RSPRY1: variants seen among roughly 807,000 people sequenced by gnomAD.
RSPRY1 encodes the protein ring finger and SPRY domain containing 1.
A neutral mutation model predicts 73.1 loss-of-function variants in RSPRY1; 23 were observed. The ratio of observed to expected loss-of-function variants is 0.31; its 90% CI spans 0.23 to 0.45. The LOEUF (loss-of-function observed/expected upper bound fraction) is 0.45. RSPRY1 is among the 20% of genes least tolerant of loss of function. The pLI is 1.00. For missense variants in RSPRY1, 448 were observed against 698.7 expected, an observed-to-expected ratio of 0.64 and a Z score of 4.05; for synonymous variants, 226 against 251.4, an observed-to-expected ratio of 0.90 and a Z score of 0.95.
chr16:57,205,714 G>C (rs1199092557), intron 2 of RSPRY1, among the ~76,000 whole-genome samples: 1 of 152,232 alleles, frequency 6.6e-6, no homozygotes, highest in African/African-American at 2.4e-5. Context: ...CCTAGCTCAA[G>C]TTCTGGCCCA....
rs2074951807 is a variant in RSPRY1 at position 57,216,981 on chromosome 16, G to C, written c.847G>C (p.Asp283His). The C allele has an allele frequency of 5.0e-6, 8 of 1,614,070 alleles. No individual in the cohort carries two copies. Among genetic ancestry groups the C allele is most frequent in the Non-Finnish European group, 6.8e-6 (8 of 1,179,968 alleles). The change falls in exon 8 of 15, where the codon GAT (aspartate) becomes CAT (histidine). Residue 283 changes from aspartate to histidine, a missense_variant. Asp to His is a moderately conservative substitution (Grantham distance 81). Transcript: ENST00000394420. ...ATTGGAGTCCTGGGCTAATGATCCT[G>C]ATTATCTGAAACGTCAAGTTGGTTT... ...VTLESWANDP[D>H]YLKRQVGFCA...
intron 1 of RSPRY1, among the ~76,000 whole-genome samples, chr16:57,201,232 C>T (rs1212765860): frequency 9.9e-5 from 15 of 151,936 alleles, no homozygotes; most frequent in African/African-American, 3.4e-4. Flanking sequence ...GGGCTCCTCA[C>T]TTCTCAGACG....
intron 6 of RSPRY1, 50 bp downstream of exon 6, chr16:57,213,996 T>TGCC: frequency 8.0e-6 from 10 of 1,252,186 alleles, no homozygotes; most frequent in Non-Finnish European, 1.2e-5. Flanking sequence ...GAAGTGGGCA[T>TGCC]CATCTAGAAC....
intron 8 of RSPRY1, among the ~76,000 whole-genome samples, chr16:57,217,469 T>C (rs1002617259): frequency 1.7e-4 from 26 of 152,224 alleles, no homozygotes; most frequent in African/African-American, 6.3e-4. Flanking sequence ...ACCTACATCA[T>C]GAGAATTGTT....
intron 10 of RSPRY1, among the ~76,000 whole-genome samples, chr16:57,225,623 C>G (rs2075109220): frequency 6.6e-6 from 1 of 152,196 alleles, no homozygotes; most frequent in East Asian, 1.9e-4. Flanking sequence ...TTTTCAATTT[C>G]TTTCTCTAGT....
intron 8 of RSPRY1, among the ~76,000 whole-genome samples, chr16:57,218,472 C>T (rs2074976059): frequency 6.6e-6 from 1 of 152,050 alleles, no homozygotes; most frequent in Non-Finnish European, 1.5e-5. Context: ...TAACCAACCC[C>T]ATTTCTCCCC....
intron 8 of RSPRY1, among the ~76,000 whole-genome samples, chr16:57,217,505 A>G (rs746306356): frequency 6.6e-6 from 1 of 152,090 alleles, no homozygotes; most frequent in Non-Finnish European, 1.5e-5. Flanking sequence ...TTCCTCCTCC[A>G]AGGGCTGCTG....
intron 1 of RSPRY1, among the ~76,000 whole-genome samples, chr16:57,193,238 T>C (rs2074381723): frequency 6.6e-6 from 1 of 152,166 alleles, no homozygotes; most frequent in African/African-American, 2.4e-5. Flanking sequence ...ACAACCTTTC[T>C]TTTTGTGGGA....
At chr16:57,231,417 T>G (rs2075218266) in intron 13 of RSPRY1, 98 bp downstream of exon 13, 4 of 1,242,934 alleles carry the variant, frequency 3.2e-6, no homozygotes, top group Non-Finnish European at 4.4e-6. Flanking sequence ...ACAAATAAAT[T>G]TTGAAAACCT....
rs1457240966 is a variant in RSPRY1, at chr16:57,223,283, G to A, written c.1161+1868G>A. 1.3e-5 allele frequency among the ~76,000 whole-genome samples: 2 copies of A among 152,148 alleles called. 1 individual carries two copies. The highest frequency in any genetic ancestry group is 4.8e-5 in the African/African-American group (2 of 41,426). ...TCAAAAGATTCTAAGTCTCTGCATA[G>A]TGCCTCTTACTTGAATTCTTGCTGC... On this transcript the variant is annotated intron_variant, in intron 10 of 14. Transcript: ENST00000394420.
At chr16:57,196,321 T>C (rs1214028576) in intron 1 of RSPRY1, among the ~76,000 whole-genome samples, 1 of 152,138 alleles carries the variant, frequency 6.6e-6, no homozygotes, top group Non-Finnish European at 1.5e-5. Context: ...TCTCAGTTCA[T>C]TTTACTGGAC....
intron 1 of RSPRY1, among the ~76,000 whole-genome samples, chr16:57,199,535 T>C (rs114347995): frequency 0.017 from 2,609 of 152,208 alleles, 61 homozygotes; most frequent in African/African-American, 0.058. Context: ...ATAATAGATA[T>C]GGAGGCAAAC....
At position 57,227,346 on chromosome 16, in the gene RSPRY1, G is replaced by T; in HGVS notation, c.1166G>T (p.Gly389Val). 1 of 1,612,450 alleles carries T rather than the reference G, an allele frequency of 6.2e-7. No individual in the cohort carries two copies. Among genetic ancestry groups the T allele is most frequent in the Non-Finnish European group, 8.5e-7 (1 of 1,178,522 alleles). ...TRDSKFLNHE[G>V]YGIGDDEYSC... ...CTGGGCCTTGTCTCTCTCCAGGAAG[G>T]CTACGGCATTGGGGATGATGAATAC... The change falls in exon 11 of 15, where the codon GGC (glycine) becomes GTC (valine). Residue 389 changes from glycine (G) to valine (V), a missense_variant. Transcript: ENST00000394420.
chr16:57,190,075 T>C (rs2074326846), intron 1 of RSPRY1, among the ~76,000 whole-genome samples: 1 of 152,072 alleles, frequency 6.6e-6, no homozygotes, highest in Admixed American at 6.5e-5. Context: ...CTACTTAAGA[T>C]TGGAAGTTAT....
At chr16:57,231,619 G>A (rs185323931) in intron 13 of RSPRY1, among the ~76,000 whole-genome samples, 63 of 152,164 alleles carry the variant, frequency 4.1e-4, no homozygotes, top group African/African-American at 1.5e-3. Flanking sequence ...CCAGAAAGAC[G>A]GAACACTTTC....
At chr16:57,235,750 T>C (rs146737615) in intron 14 of RSPRY1, among the ~76,000 whole-genome samples, 38 of 152,344 alleles carry the variant, frequency 2.5e-4, no homozygotes, top group Non-Finnish European at 4.4e-4. Context: ...GTGTGCCGAT[T>C]GTTTATGAGC....
rs2074687411 is a variant in RSPRY1, at chr16:57,204,595, T to C, written c.-64T>C. 1 of 1,449,506 alleles carries C rather than the reference T, an allele frequency of 6.9e-7. No homozygotes were observed. The highest frequency in any genetic ancestry group is 9.5e-7 in the Non-Finnish European group (1 of 1,051,508). The allele number at this position is 1,449,506 out of a possible 1,614,324, so 89.8% of individuals were successfully genotyped here. A position where few individuals can be genotyped will look rare whatever the true frequency, so the allele number is the denominator to read the frequency against. On this transcript the variant is annotated 5_prime_UTR_variant, in exon 2 of 15. Transcript: ENST00000394420. ...TTGGCATTCAGTTGTTAAAAACAAA[T>C]AGGATGCAAATTCCTCAACTCCAGG...
intron 4 of RSPRY1, among the ~76,000 whole-genome samples, chr16:57,211,269 A>AG (rs1313628163): frequency 1.3e-5 from 2 of 150,078 alleles, no homozygotes; most frequent in African/African-American, 4.9e-5. Context: ...TCTCTGTTAA[A>AG]AAAAAAAAAA....
chr16:57,216,091 T>C lies in RSPRY1; in HGVS notation c.703-16T>C. ...ATGATTTTTTTTTTTTTTTTTTATC[T>C]TTTGTTGTTTTTCAGAAGTTACAGT... On this transcript the variant is annotated splice_polypyrimidine_tract_variant and intron_variant, in intron 6 of 14. Transcript: ENST00000394420. 1 of 1,544,420 alleles carries C rather than the reference T, an allele frequency of 6.5e-7. No homozygotes were observed. The highest frequency in any genetic ancestry group is 8.8e-7 in the Non-Finnish European group (1 of 1,132,080).
Sources: gnomAD v4.1 joint callset for allele counts (sites outside exome capture counted in the v4.1 genomes callset) on GRCh38, gnomAD v4.1.1 for gene constraint, MANE v1.5 for transcripts, NCBI Gene and HGNC (gene_info 2026-07-23, HGNC 2026-07-21) for gene names.